The following PNPLA7 variants were observed in gnomAD, a reference collection of about 807,000 sequenced individuals.
The protein encoded by PNPLA7 is patatin like domain 7, lysophospholipase.
Under a neutral mutation model 161.7 loss-of-function variants are expected in PNPLA7, and 153 were observed. The observed-to-expected ratio is 0.95, with a 90% confidence interval of 0.83 to 1.08. The LOEUF is 1.08. Among genes scored for constraint, PNPLA7 ranks in the 50% least tolerant of loss-of-function variants. PNPLA7 has a pLI of 0.00. For synonymous variants in PNPLA7, 809 were observed against 782.1 expected (o/e 1.03, Z -0.57); for missense variants, 1,739 against 1,856.6 (o/e 0.94, Z 1.16).
In PNPLA7 at chr9:137,505,672, T is replaced by G. The variant is rs776255339; in HGVS notation, c.1415A>C (p.Lys472Thr). Residue 472 changes from lysine (K) to threonine (T), a missense_variant, in exon 14 of 35, where the codon AAG becomes ACG. Physicochemically the swap from Lys to Thr is moderately conservative, Grantham distance 78. This residue lies in a region of PNPLA7 where 481 missense variants were observed against 450.0 expected (regional missense o/e 1.07). Transcript: ENST00000406427. Reference protein sequence around the residue: ...SHTDETLASRKSDAIFRAAKK... With the variant: ...SHTDETLASRTSDAIFRAAKK... ...GGCAGCTCTGAAGATGGCATCCGACTTCCTGCTGGCCAGGGTCTCATCCGT... is the reference window on the plus strand; with the variant it reads ...GGCAGCTCTGAAGATGGCATCCGACGTCCTGCTGGCCAGGGTCTCATCCGT... 39 of 1,614,024 alleles carry G rather than the reference T, an allele frequency of 2.4e-5. 1 individual carries two copies. The South Asian group carries it at 4.1e-4, about 17-fold the overall frequency.
chr9:137,493,380 C>G (rs1009583523), intron 19 of PNPLA7, among the ~76,000 whole-genome samples: 8 of 152,234 alleles, frequency 5.3e-5, no homozygotes, highest in Non-Finnish European at 1.2e-4. Context: ...CTCTCACTCT[C>G]ACTTCAGGGC....
chr9:137,514,697 A>C (rs1426990170), intron 12 of PNPLA7, among the ~76,000 whole-genome samples: 3 of 102,768 alleles, frequency 2.9e-5, no homozygotes, highest in Non-Finnish European at 3.8e-5. Context: ...GGTCACTCGG[A>C]TGTTGATGTG....
At chr9:137,480,643 G>T in intron 22 of PNPLA7, 163 bp from the exon 23 acceptor site, 1 of 845,210 alleles carries the variant, frequency 1.2e-6, no homozygotes, top group Non-Finnish European at 1.8e-6. Context: ...GTTATTCAGG[G>T]CCTAGGCAGT....
At position 137,545,653 on chromosome 9, in the gene PNPLA7, T is replaced by G. The variant is rs1317174179; in HGVS notation, c.273+1177A>C. Among the ~76,000 whole-genome samples, 29 of 152,372 alleles carry G rather than the reference T, an allele frequency of 1.9e-4. No individual in the cohort carries two copies. In the East Asian group the frequency reaches 4.6e-3, roughly 24 times the overall value. On this transcript the variant is annotated intron_variant, in intron 4 of 34. Coordinates refer to ENST00000406427, the MANE Select transcript of PNPLA7 (RefSeq NM_001098537.3). ...TCATTAATCATTAGCTTGTAGCAATTACTCTTTATTCCAATATTATAATAA... is the reference window on the plus strand; with the variant it reads ...TCATTAATCATTAGCTTGTAGCAATGACTCTTTATTCCAATATTATAATAA...
At chr9:137,481,480 A>G (rs986124596) in intron 21 of PNPLA7, among the ~76,000 whole-genome samples, 1 of 152,164 alleles carries the variant, frequency 6.6e-6, no homozygotes, top group African/African-American at 2.4e-5. Flanking sequence ...CATCTTCCAC[A>G]TGGGCACGGC....
At chr9:137,511,742 A>G (rs1415379754) in intron 12 of PNPLA7, among the ~76,000 whole-genome samples, 1 of 152,244 alleles carries the variant, frequency 6.6e-6, no homozygotes, top group African/African-American at 2.4e-5. Context: ...GTCCGCTTTC[A>G]TATTCCGCCT....
In PNPLA7 at chr9:137,504,063, AAAG is replaced by A. The variant is rs1366821048; in HGVS notation, c.1473+1548_1473+1550del. On this transcript the variant is annotated intron_variant, in intron 14 of 34. Coordinates refer to ENST00000406427, the MANE Select transcript of PNPLA7 (RefSeq NM_001098537.3). ...AGAAGAAAGAAGAAGGAAGAAGAAG[AAAG>A]AAGAAGGAAGAAGAAGAAGGAAGAA... Among the ~76,000 whole-genome samples, 10 of 131,810 alleles carry A rather than the reference AAAG, an allele frequency of 7.6e-5. 1 individual carries two copies. Among genetic ancestry groups the A allele is most frequent in the Middle Eastern group, 4.1e-3 (1 of 244 alleles). 86.5% of individuals were successfully genotyped at this position (131,810 alleles called of 152,430 possible).
At chr9:137,483,518 G>A (rs528959421) in intron 21 of PNPLA7, among the ~76,000 whole-genome samples, 1 of 152,066 alleles carries the variant, frequency 6.6e-6, no homozygotes, top group East Asian at 1.9e-4. Flanking sequence ...GCAGTGGTGC[G>A]ATCTAGGCTC....
chr9:137,502,837 C>G (rs1833563519), intron 14 of PNPLA7, among the ~76,000 whole-genome samples: 2 of 143,132 alleles, frequency 1.4e-5, no homozygotes, highest in South Asian at 4.7e-4. Flanking sequence ...TTAAGGATTA[C>G]TGTTAAGTAT....
chr9:137,544,638 T>G (rs1836389731), intron 4 of PNPLA7, among the ~76,000 whole-genome samples: 1 of 152,196 alleles, frequency 6.6e-6, no homozygotes, highest in Non-Finnish European at 1.5e-5. Context: ...TTCTTTTTGT[T>G]TTTTGTTTGT....
chr9:137,509,541 G>A (rs1334258958), intron 12 of PNPLA7: 15 of 274,130 alleles, frequency 5.5e-5, no homozygotes, highest in Admixed American at 3.8e-4. Flanking sequence ...TAGCTGGTAC[G>A]AATGAGTTTA....
At chr9:137,460,798 G>C (rs1016023886) in intron 33 of PNPLA7, 61 bp from the exon 34 acceptor site, 3 of 1,483,694 alleles carry the variant, frequency 2.0e-6, no homozygotes, top group Non-Finnish European at 2.8e-6. Context: ...ACCCAGCATA[G>C]CCACACTCAG....
rs558659092 is a variant in PNPLA7, at chr9:137,540,418, C to CA, written c.747+223dup. Among the ~76,000 whole-genome samples, 2 of 152,208 alleles carry CA rather than the reference C, an allele frequency of 1.3e-5. No homozygotes were observed. Among genetic ancestry groups the CA allele is most frequent in the Non-Finnish European group, 2.9e-5 (2 of 68,034 alleles). On this transcript the variant is annotated intron_variant, in intron 8 of 34. Transcript: ENST00000406427. The surrounding 1 kb of genome is among the most constrained non-coding windows in gnomAD (Gnocchi z 5.1). ...AGTTCAACAACAGTCATTTAAGAGA[C>CA]AACCAAAACCGTTAGCCACATGCCC... is the stretch of plus-strand genomic sequence containing the variant.
rs747765291 is a variant in PNPLA7, at chr9:137,495,118, G to T, written c.2042C>A (p.Ala681Glu). 16 of 1,605,648 alleles carry T rather than the reference G, an allele frequency of 1.0e-5. No homozygotes were observed. Among genetic ancestry groups the T allele is most frequent in the Middle Eastern group, 1.6e-4 (1 of 6,080 alleles). ...VVETLTHQARATTVHAVRDSE... is the reference protein window; with the variant it reads ...VVETLTHQARETTVHAVRDSE... ...GTCCCGAACGGCATGCACCGTGGTC[G>T]CCCGGGCCTGGTGGGTCAGTGTCTC... The change falls in exon 19 of 35, where the codon GCG becomes GAG. Residue 681 changes from alanine to glutamate, a missense_variant. Coordinates refer to ENST00000406427, the MANE Select transcript of PNPLA7 (RefSeq NM_001098537.3).
At position 137,496,672 on chromosome 9, in the gene PNPLA7, C is replaced by T. The variant is rs111231663; in HGVS notation, c.2013+515G>A. The stretch of plus-strand genomic sequence containing the variant: ...GTTGCAGTGAGTTGAGATCGCGCCA[C>T]TGCACTCCAGCCTGGGCAACAAGAG... On this transcript the variant is annotated intron_variant, in intron 18 of 34. Coordinates refer to ENST00000406427, the MANE Select transcript of PNPLA7 (RefSeq NM_001098537.3). Among the ~76,000 whole-genome samples, 889 of 152,238 alleles carry T rather than the reference C, an allele frequency of 5.8e-3. 15 individuals carry two copies. The highest frequency in any genetic ancestry group is 0.021 in the African/African-American group (860 of 41,554).
Position 137,543,285 on chromosome 9 carries a change from G to A in PNPLA7, c.506+147C>T, listed in dbSNP as rs1308965189. 8 of 1,018,584 alleles carry A rather than the reference G, an allele frequency of 7.9e-6. No individual in the cohort carries two copies. The highest frequency in any genetic ancestry group is 1.6e-5 in the African/African-American group (1 of 61,838). 63.1% of individuals were successfully genotyped at this position (1,018,584 alleles called of 1,614,324 possible). A position where few individuals can be genotyped will look rare whatever the true frequency, so the allele number is the denominator to read the frequency against. The stretch of plus-strand genomic sequence containing the variant: ...AGGAGCCAGCAGACCACGAGGCCCC[G>A]CCACGGGGCACAGACACCAGCAGCC... On this transcript the variant is annotated intron_variant, in intron 6 of 34. Coordinates refer to ENST00000406427, the MANE Select transcript of PNPLA7 (RefSeq NM_001098537.3). This position sits in a 1 kb window ranked among gnomAD's most constrained non-coding sequence, Gnocchi z 6.9.
At position 137,529,544 on chromosome 9, in the gene PNPLA7, T is replaced by C. The variant is rs543956308; in HGVS notation, c.748-6687A>G. Among the ~76,000 whole-genome samples the C allele has an allele frequency of 3.3e-5, 5 of 152,316 alleles. 1 individual carries two copies. In the South Asian group the frequency reaches 1.0e-3, roughly 32 times the overall value. Reference sequence around the variant, plus strand: ...CAGACCACAAGTCTGTATCTGTGGATGGTGGATTCCAGTTTCTCTGTTTTC... The same window carrying C: ...CAGACCACAAGTCTGTATCTGTGGACGGTGGATTCCAGTTTCTCTGTTTTC... On this transcript the variant is annotated intron_variant, in intron 8 of 34. Coordinates refer to ENST00000406427, the MANE Select transcript of PNPLA7 (RefSeq NM_001098537.3).
At chr9:137,488,891 T>A (rs1368352385) in intron 20 of PNPLA7, among the ~76,000 whole-genome samples, 1 of 96,532 alleles carries the variant, frequency 1.0e-5, no homozygotes, top group Non-Finnish European at 2.0e-5. Flanking sequence ...CCAGCAGACA[T>A]CCCAACTGTC....
chr9:137,498,504 T>G (rs914747510), intron 16 of PNPLA7, among the ~76,000 whole-genome samples: 1 of 152,190 alleles, frequency 6.6e-6, no homozygotes, highest in African/African-American at 2.4e-5. Flanking sequence ...CGAGTGCCCC[T>G]TGGACACGGG....
Sources: gnomAD v4.1 joint callset for allele counts (sites outside exome capture counted in the v4.1 genomes callset) on GRCh38, gnomAD v4.1.1 for gene constraint, gnomAD v4.1.1 regional missense constraint, Gnocchi (gnomAD v3.1) non-coding constraint, MANE v1.5 for transcripts, NCBI Gene and HGNC (gene_info 2026-07-23, HGNC 2026-07-21) for gene names.